Variants in MSH4 observed in about 807,000 individuals in gnomAD.
MSH4 encodes the protein mutS protein homolog 4.
A neutral mutation model predicts 113.7 loss-of-function variants in MSH4; 106 were observed. The ratio of observed to expected loss-of-function variants is 0.93; its 90% CI spans 0.80 to 1.10. MSH4 has a LOEUF of 1.10. Among genes scored for constraint, MSH4 ranks in the 50% least tolerant of loss-of-function variants. MSH4 has a pLI of 0.00. For missense variants in MSH4, 1,061 were observed against 1,093.7 expected (o/e 0.97, Z 0.42); for synonymous variants, 368 against 380.2 (o/e 0.97, Z 0.37).
chr1:75,907,716 A>ATATG (rs1188441146), intron 19 of MSH4, among the ~76,000 whole-genome samples: 1 of 112,176 alleles, frequency 8.9e-6, no homozygotes, highest in African/African-American at 3.2e-5. Context: ...ATATATATAT[A>ATATG]TATGTATAAA....
intron 4 of MSH4, among the ~76,000 whole-genome samples, chr1:75,812,055 T>G (rs1304358739): frequency 6.6e-6 from 1 of 151,256 alleles, no homozygotes; most frequent in Non-Finnish European, 1.5e-5. Flanking sequence ...CTTTCCAACT[T>G]TCATGTTTTG....
At chr1:75,902,675 A>G (rs868032136) in intron 19 of MSH4, among the ~76,000 whole-genome samples, 2,520 of 5,216 alleles carry the variant, frequency 0.48, 95 homozygotes, top group African/African-American at 0.51. Flanking sequence ...ATGTGTATGT[A>G]TATATATATA....
At chr1:75,798,833 C>T (rs1649875007) in intron 1 of MSH4, among the ~76,000 whole-genome samples, 1 of 152,156 alleles carries the variant, frequency 6.6e-6, no homozygotes, top group South Asian at 2.1e-4. Context: ...GCTGGGATTA[C>T]AGGTGTGAGC....
At chr1:75,810,255 G>C (rs1287889704) in intron 3 of MSH4, among the ~76,000 whole-genome samples, 1 of 151,648 alleles carries the variant, frequency 6.6e-6, no homozygotes, top group Non-Finnish European at 1.5e-5. Flanking sequence ...TTTTGAGACA[G>C]ATTTTCCCTC....
intron 15 of MSH4, 63 bp downstream of exon 15, chr1:75,883,884 A>AT (rs371370945): frequency 1.4e-6 from 2 of 1,424,008 alleles, no homozygotes; most frequent in Non-Finnish European, 1.9e-6. Flanking sequence ...TTTGTGCCTA[A>AT]TTTTTTTAGG....
In MSH4 at chr1:75,806,969, A is replaced by T. The variant is rs5745328; in HGVS notation, c.428-12A>T. On this transcript the variant is annotated splice_polypyrimidine_tract_variant and intron_variant, in intron 2 of 19. Coordinates refer to ENST00000263187, the MANE Select transcript of MSH4 (RefSeq NM_002440.4). ...CAATGTTTATATCTTTTCTTTATTTAAAAATTTACAGCTTCATCCTCATCT... is the reference window on the plus strand; with the variant it reads ...CAATGTTTATATCTTTTCTTTATTTTAAAATTTACAGCTTCATCCTCATCT... 71,698 of 1,546,604 alleles carry T rather than the reference A, an allele frequency of 0.046. 2,129 individuals carry two copies. The highest frequency in any genetic ancestry group is 0.13 in the African/African-American group (9,066 of 70,282).
chr1:75,892,487 T>A (rs970787547), intron 17 of MSH4, among the ~76,000 whole-genome samples: 6 of 152,114 alleles, frequency 3.9e-5, no homozygotes. Context: ...TCTGGTATGA[T>A]CTGACAATAG....
intron 9 of MSH4, among the ~76,000 whole-genome samples, chr1:75,872,536 A>G (rs1651736721): frequency 6.6e-6 from 1 of 152,216 alleles, no homozygotes; most frequent in Non-Finnish European, 1.5e-5. Context: ...AAACGGATAA[A>G]CTGTTGCAGT....
In MSH4 at chr1:75,837,387, T is replaced by TA. The variant is rs1491141188; in HGVS notation, c.1163-10822_1163-10821insA. 0.013 allele frequency among the ~76,000 whole-genome samples: 33 copies of TA among 2,610 alleles called. No individual in the cohort carries two copies. In the Admixed American group the frequency reaches 0.32, roughly 26 times the overall value. 1.7% of individuals were successfully genotyped at this position (2,610 alleles called of 152,430 possible). A position where few individuals can be genotyped will look rare whatever the true frequency, so the allele number is the denominator to read the frequency against. ...AACTTAATGTACCCAAATTGTGCCCTTTTTTTTTTTTTTTTTTTTGAGACG... is the reference window on the plus strand; with the variant it reads ...AACTTAATGTACCCAAATTGTGCCCTATTTTTTTTTTTTTTTTTTTGAGACG... On this transcript the variant is annotated intron_variant, in intron 7 of 19. Coordinates refer to ENST00000263187, the MANE Select transcript of MSH4 (RefSeq NM_002440.4).
intron 7 of MSH4, among the ~76,000 whole-genome samples, chr1:75,847,042 A>G (rs560047004): frequency 2.0e-5 from 3 of 152,320 alleles, no homozygotes; most frequent in Admixed American, 6.5e-5. Flanking sequence ...TTCCTGCTGC[A>G]TCATAACATG....
At chr1:75,907,684 C>CA (rs1652690842) in intron 19 of MSH4, among the ~76,000 whole-genome samples, 19 of 46,568 alleles carry the variant, frequency 4.1e-4, no homozygotes, top group African/African-American at 1.7e-3. Flanking sequence ...CTCTCTCTCT[C>CA]TATACATATA....
At chr1:75,885,249 C>T (rs1168384482) in intron 15 of MSH4, among the ~76,000 whole-genome samples, 1 of 133,890 alleles carries the variant, frequency 7.5e-6, no homozygotes, top group African/African-American at 2.8e-5. Context: ...ATATTATATA[C>T]ATTATATATA....
chr1:75,876,926 T>G lies in MSH4; in HGVS notation c.1306-10T>G, dbSNP rs534675630. 1 of 1,463,810 alleles carries G rather than the reference T, an allele frequency of 6.8e-7. No homozygotes were observed. Among genetic ancestry groups the G allele is most frequent in the African/African-American group, 1.4e-5 (1 of 69,574 alleles). 90.7% of individuals were successfully genotyped at this position (1,463,810 alleles called of 1,614,324 possible). ...ATTATCCTTAACTTTTTTATTTTAT[T>G]CTTTAATAGATTGCTATGAAGAACT... On this transcript the variant is annotated splice_polypyrimidine_tract_variant and intron_variant, in intron 9 of 19. Transcript: ENST00000263187.
intron 7 of MSH4, 106 bp downstream of exon 7, chr1:75,822,687 T>A (rs1401201257): frequency 5.5e-6 from 3 of 546,340 alleles, no homozygotes; most frequent in Non-Finnish European, 8.6e-6. Flanking sequence ...GTGTTAATTC[T>A]TGTATTCTTT....
chr1:75,809,352 T>C (rs1019969946), intron 3 of MSH4, among the ~76,000 whole-genome samples: 3 of 152,156 alleles, frequency 2.0e-5, no homozygotes, highest in Admixed American at 2.0e-4. Context: ...AATTTTTTAT[T>C]ATACCTAACA....
Position 75,807,152 on chromosome 1 carries a change from A to G in MSH4, c.588+11A>G, listed in dbSNP as rs3737574. ...ACAACATATGCAAAGGTAAGTATTA[A>G]TAATTCTAGAAAATGGTTGCTCTGT... On this transcript the variant is annotated intron_variant, in intron 3 of 19. Transcript: ENST00000263187. 480,485 of 1,516,440 alleles carry G rather than the reference A, an allele frequency of 0.32. 82,517 individuals are homozygous for G. The highest frequency in any genetic ancestry group is 0.65 in the East Asian group (25,926 of 40,174). The allele number at this position is 1,516,440 out of a possible 1,614,324, so 93.9% of individuals were successfully genotyped here. A position where few individuals can be genotyped will look rare whatever the true frequency, so the allele number is the denominator to read the frequency against.
At chr1:75,902,692 T>C (rs1469647416) in intron 19 of MSH4, among the ~76,000 whole-genome samples, 3 of 13,770 alleles carry the variant, frequency 2.2e-4, no homozygotes, top group Non-Finnish European at 4.5e-4. Flanking sequence ...TATATATATA[T>C]ATATATATAT....
chr1:75,897,503 T>C (rs2100587948), intron 17 of MSH4, among the ~76,000 whole-genome samples: 1 of 152,292 alleles, frequency 6.6e-6, no homozygotes, highest in African/African-American at 2.4e-5. Flanking sequence ...CTTTTATAGT[T>C]AAGTTTTTTA....
intron 18 of MSH4, among the ~76,000 whole-genome samples, chr1:75,899,262 C>T (rs1237923179): frequency 6.6e-6 from 1 of 152,150 alleles, no homozygotes; most frequent in South Asian, 2.1e-4. Context: ...TATTATCTTC[C>T]CCTGCAAAAC....
Sources: allele counts gnomAD v4.1 joint callset (sites outside exome capture counted in the v4.1 genomes callset), GRCh38; gene constraint gnomAD v4.1.1; transcripts MANE v1.5; gene names NCBI Gene and HGNC (gene_info 2026-07-23, HGNC 2026-07-21).